Variants in SLC4A10 observed in about 807,000 individuals in gnomAD.
The protein encoded by SLC4A10 is sodium-driven chloride bicarbonate exchanger.
A neutral mutation model predicts 137.7 loss-of-function variants in SLC4A10; 42 were observed. The observed-to-expected ratio is 0.30, with a 90% CI of 0.24 to 0.39. The LOEUF is 0.39. Ranked by LOEUF, SLC4A10 falls within the 10% of genes least tolerant of loss-of-function variation. The pLI is 1.00. For synonymous variants in SLC4A10, 474 were observed against 464.1 expected (o/e 1.02, Z -0.27); for missense variants, 925 against 1,355.0 (o/e 0.68, Z 4.98).
At chr2:161,693,632 G>C (rs1198719584) in intron 1 of SLC4A10, among the ~76,000 whole-genome samples, 1 of 148,056 alleles carries the variant, frequency 6.8e-6, no homozygotes. Context: ...TCAGCCTCTG[G>C]CAACCAGCAT....
chr2:161,819,501 C>CTTTT (rs112848503), intron 3 of SLC4A10, among the ~76,000 whole-genome samples: 1 of 144,480 alleles, frequency 6.9e-6, no homozygotes, highest in Non-Finnish European at 1.5e-5. Context: ...TAAAATTTCA[C>CTTTT]TTTTTTTTTT....
intron 15 of SLC4A10, among the ~76,000 whole-genome samples, chr2:161,912,570 A>G (rs1001226494): frequency 1.3e-5 from 2 of 152,148 alleles, no homozygotes; most frequent in African/African-American, 4.8e-5. Context: ...AGTTACAACC[A>G]TGGGCAGCTA....
intron 1 of SLC4A10, among the ~76,000 whole-genome samples, chr2:161,757,446 G>A (rs1277904872): frequency 1.3e-5 from 2 of 152,150 alleles, no homozygotes; most frequent in East Asian, 1.9e-4. Context: ...GATAAAGTAT[G>A]TTTATTTCAC....
intron 24 of SLC4A10, among the ~76,000 whole-genome samples, chr2:161,975,604 G>T (rs112789981): frequency 7.8e-4 from 118 of 152,242 alleles, no homozygotes; most frequent in Middle Eastern, 3.4e-3. Flanking sequence ...AACAGCTGGA[G>T]GGTTTAGAGG....
At chr2:161,931,780 T>C (rs1257696169) in intron 15 of SLC4A10, among the ~76,000 whole-genome samples, 1 of 152,184 alleles carries the variant, frequency 6.6e-6, no homozygotes, top group African/African-American at 2.4e-5. Flanking sequence ...AAAAATGGGA[T>C]AGTTTTAAAT....
At chr2:161,647,568 T>C (rs2036229438) in intron 1 of SLC4A10, among the ~76,000 whole-genome samples, 1 of 152,124 alleles carries the variant, frequency 6.6e-6, no homozygotes, top group South Asian at 2.1e-4. Context: ...TTAGAATTTA[T>C]ATGTTTAAGA....
Position 161,804,029 on chromosome 2 carries a change from C to G in SLC4A10, c.131-420C>G, listed in dbSNP as rs73021503. Among the ~76,000 whole-genome samples, 981 of 152,158 alleles carry G rather than the reference C, an allele frequency of 6.4e-3. 11 individuals carry two copies. Among genetic ancestry groups the G allele is most frequent in the African/African-American group, 0.022 (931 of 41,508 alleles). On this transcript the variant is annotated intron_variant, in intron 2 of 26. Coordinates refer to ENST00000446997, the MANE Select transcript of SLC4A10 (RefSeq NM_001178015.2). ...TGTGGAATTTGGCATTAACATAGAC[C>G]TTAGCGAAACCTGTTTTATTAGAGA...
chr2:161,661,119 G>C (rs2038331042), intron 1 of SLC4A10, among the ~76,000 whole-genome samples: 1 of 151,844 alleles, frequency 6.6e-6, no homozygotes, highest in Non-Finnish European at 1.5e-5. Flanking sequence ...CTGTTCATTA[G>C]GGTCTTCCAA....
At chr2:161,788,835 G>A (rs577793061) in intron 2 of SLC4A10, among the ~76,000 whole-genome samples, 1 of 152,288 alleles carries the variant, frequency 6.6e-6, no homozygotes, top group Non-Finnish European at 1.5e-5. Context: ...CTTTCAATGA[G>A]GTGTAGCTGC....
chr2:161,677,296 T>C (rs1489733103), intron 1 of SLC4A10, among the ~76,000 whole-genome samples: 1 of 152,168 alleles, frequency 6.6e-6, no homozygotes, highest in Non-Finnish European at 1.5e-5. Context: ...TGGAAGCAGA[T>C]GCTGGTGCCA....
At chr2:161,843,954 G>A (rs1415950905) in intron 4 of SLC4A10, among the ~76,000 whole-genome samples, 4 of 152,040 alleles carry the variant, frequency 2.6e-5, no homozygotes, top group South Asian at 2.1e-4. Context: ...ATAAATGTTC[G>A]TAAAAACCAG....
At chr2:161,917,847 C>A (rs566888471) in intron 15 of SLC4A10, among the ~76,000 whole-genome samples, 15 of 152,222 alleles carry the variant, frequency 9.9e-5, no homozygotes, top group African/African-American at 3.6e-4. Flanking sequence ...ATTCCTGGCA[C>A]AAAGTAGGTG....
chr2:161,849,234 C>T (rs2059681914), intron 4 of SLC4A10, among the ~76,000 whole-genome samples: 2 of 151,474 alleles, frequency 1.3e-5, no homozygotes, highest in African/African-American at 4.8e-5. Flanking sequence ...AAACATATAC[C>T]ATTTGCATAT....
chr2:161,888,819 A>C (rs1386167573), intron 10 of SLC4A10, among the ~76,000 whole-genome samples: 9 of 152,014 alleles, frequency 5.9e-5, no homozygotes, highest in Admixed American at 5.9e-4. Flanking sequence ...TTCCAATACT[A>C]TGTTGGATAG....
At chr2:161,715,736 T>C (rs1013626748) in intron 1 of SLC4A10, among the ~76,000 whole-genome samples, 1 of 152,120 alleles carries the variant, frequency 6.6e-6, no homozygotes, top group African/African-American at 2.4e-5. Context: ...TTATCCAGCC[T>C]ATCATTGATG....
At chr2:161,827,587 G>A (rs1483033934) in intron 3 of SLC4A10, among the ~76,000 whole-genome samples, 1 of 148,778 alleles carries the variant, frequency 6.7e-6, no homozygotes, top group Admixed American at 6.7e-5. Context: ...TTTTTGAGAC[G>A]GAGTCTCGCT....
At chr2:161,681,439 GTTCTAAGTC>G (rs1446365536) in intron 1 of SLC4A10, among the ~76,000 whole-genome samples, 4 of 152,128 alleles carry the variant, frequency 2.6e-5, no homozygotes. Context: ...TGGCTAGTTA[GTTCTAAGTC>G]TTCTGAATTT....
intron 3 of SLC4A10, among the ~76,000 whole-genome samples, chr2:161,812,119 G>A (rs573244256): frequency 2.6e-5 from 4 of 151,858 alleles, no homozygotes; most frequent in African/African-American, 9.7e-5. Context: ...TATTTTTTAG[G>A]TTTATGTATT....
chr2:161,885,437 C>A (rs371095192), intron 10 of SLC4A10, among the ~76,000 whole-genome samples: 1 of 152,144 alleles, frequency 6.6e-6, no homozygotes, highest in Non-Finnish European at 1.5e-5. Flanking sequence ...TTTCCCTTCT[C>A]TGTACTTGGA....
Sources: gnomAD v4.1 joint callset for allele counts (sites outside exome capture counted in the v4.1 genomes callset) on GRCh38, gnomAD v4.1.1 for gene constraint, MANE v1.5 for transcripts, NCBI Gene and HGNC (gene_info 2026-07-23, HGNC 2026-07-21) for gene names.